ZNF83: variants seen among roughly 807,000 people sequenced by gnomAD.
ZNF83 encodes zinc finger protein 83.
For missense variants in ZNF83, 552 were observed against 629.9 expected, an observed-to-expected ratio of 0.88 and a Z score of 1.32; for synonymous variants, 209 against 213.0, an observed-to-expected ratio of 0.98 and a Z score of 0.17.
At chr19:52,639,413 C>CTTTTTTTTTCT (rs1206783591), upstream of ZNF83, among the ~76,000 whole-genome samples, 4 of 53,876 alleles carry the variant, frequency 7.4e-5, no homozygotes, top group South Asian at 1.1e-3. Flanking sequence ...TTAGTTTTTT[C>CTTTTTTTTTCT]TATTTTTTTT....
At chr19:52,643,317 G>A (rs1469140201), upstream of ZNF83, among the ~76,000 whole-genome samples, 2 of 149,976 alleles carry the variant, frequency 1.3e-5, no homozygotes, top group South Asian at 2.1e-4. Flanking sequence ...AACAGAGACT[G>A]CACTCACAGG....
chr19:52,685,659 G>T (rs2062002301), intron 1 of ZNF83, among the ~76,000 whole-genome samples: 1 of 152,098 alleles, frequency 6.6e-6, no homozygotes, highest in Admixed American at 6.6e-5. Context: ...CACATTGGGA[G>T]GTCGAGGTGG....
chr19:52,641,803 G>A (rs575493695), upstream of ZNF83, among the ~76,000 whole-genome samples: 30 of 152,222 alleles, frequency 2.0e-4, no homozygotes, highest in African/African-American at 5.8e-4. Context: ...AGCCTCAGGC[G>A]GTCCCGACCA....
chr19:52,652,082 C>A, intron 3 of ZNF83: 1 of 240,890 alleles, frequency 4.2e-6, no homozygotes, highest in South Asian at 6.1e-5. Context: ...ACACCTATTC[C>A]ATTTGTAAGA....
intron 2 of ZNF83, among the ~76,000 whole-genome samples, chr19:52,627,798 C>T (rs186326336): frequency 3.9e-4 from 59 of 152,296 alleles, no homozygotes; most frequent in Admixed American, 3.1e-3. Context: ...TGAATATTGT[C>T]AGGCCTCTGA....
chr19:52,623,903 AC>A (rs2060638670), intron 2 of ZNF83, among the ~76,000 whole-genome samples: 2 of 151,954 alleles, frequency 1.3e-5, no homozygotes, highest in Non-Finnish European at 2.9e-5. Flanking sequence ...TTGCCTATCC[AC>A]CCTGTGGTGC....
At chr19:52,679,132 G>C (rs2061866916) in intron 1 of ZNF83, among the ~76,000 whole-genome samples, 1 of 152,144 alleles carries the variant, frequency 6.6e-6, no homozygotes, top group Non-Finnish European at 1.5e-5. Context: ...GACACATATT[G>C]GTGTGAAAAA....
At chr19:52,657,069 T>C (rs2061515645) in intron 2 of ZNF83, among the ~76,000 whole-genome samples, 1 of 151,878 alleles carries the variant, frequency 6.6e-6, no homozygotes, top group African/African-American at 2.4e-5. Flanking sequence ...TGATCCAAGA[T>C]TGCACCACTG....
intron 2 of ZNF83, among the ~76,000 whole-genome samples, chr19:52,633,234 C>A (rs1468668414): frequency 6.6e-6 from 1 of 151,896 alleles, no homozygotes; most frequent in Non-Finnish European, 1.5e-5. Flanking sequence ...GAGAACAACC[C>A]CCCTTTTTCC....
intron 2 of ZNF83, chr19:52,618,597 A>G (rs1600144037): frequency 3.8e-6 from 1 of 264,360 alleles, no homozygotes; most frequent in East Asian, 1.1e-4. Flanking sequence ...ACGTTTCGCC[A>G]TGTTGGTGAG....
In ZNF83 at chr19:52,664,687, A is replaced by C. The variant is rs928752854; in HGVS notation, c.-282-3844T>G. ...CGGGCCTGAGCAAGGCCAGGAAGGG[A>C]TGCAGATTAAGTGGGTGGGGCCTGA... On this transcript the variant is annotated intron_variant, in intron 1 of 5. Coordinates refer to the ZNF83 transcript ENST00000594682. Among the ~76,000 whole-genome samples, 4 of 136,772 alleles carry C rather than the reference A, an allele frequency of 2.9e-5. No homozygotes were observed. The Admixed American group carries it at 3.2e-4, about 11-fold the overall frequency. 89.7% of individuals were successfully genotyped at this position (136,772 alleles called of 152,430 possible).
intron 1 of ZNF83, among the ~76,000 whole-genome samples, chr19:52,689,480 T>A (rs1339305951): frequency 6.6e-6 from 1 of 152,096 alleles, no homozygotes; most frequent in Non-Finnish European, 1.5e-5. Context: ...ACCACTCTGC[T>A]CTGTCTGCCC....
chr19:52,626,661 TAAC>T (rs1385545572), intron 2 of ZNF83, among the ~76,000 whole-genome samples: 1 of 152,068 alleles, frequency 6.6e-6, no homozygotes, highest in African/African-American at 2.4e-5. Flanking sequence ...ATGCTACTTT[TAAC>T]AACCCCACAG....
In ZNF83 at chr19:52,613,530, G is replaced by T. The variant is rs7259639; in HGVS notation, c.1035C>A (p.Tyr345Ter). ...AGACCTTGCCACATTCATTACATTT[G>T]TAAGGTTTCTCTCCAGTGTGGATTC... Residue 345 changes from tyrosine (Y) to a stop codon, truncating the protein, a stop_gained, in exon 3 of 3, where the codon TAC (tyrosine) becomes TAA (stop). Transcript: ENST00000301096. LOFTEE classifies it low-confidence loss of function (END_TRUNC). The T allele has an allele frequency of 2.5e-6, 4 of 1,613,862 alleles. No individual in the cohort carries two copies. The South Asian group carries it at 4.4e-5, about 18-fold the overall frequency.
At chr19:52,637,878 TAAGAC>T (rs1475513897) in intron 1 of ZNF83, among the ~76,000 whole-genome samples, 1 of 151,946 alleles carries the variant, frequency 6.6e-6, no homozygotes, top group Non-Finnish European at 1.5e-5. Flanking sequence ...GACGGCGCCT[TAAGAC>T]AAGGTTGGGG....
chr19:52,648,416 T>C (rs573797982), intron 3 of ZNF83, among the ~76,000 whole-genome samples: 8 of 152,204 alleles, frequency 5.3e-5, no homozygotes, highest in African/African-American at 1.9e-4. Flanking sequence ...AGTAATGGGC[T>C]CTAGACACTT....
Position 52,613,695 on chromosome 19 carries a change from T to TCA in ZNF83, c.869_870insTG (p.Lys290AsnfsTer16), listed in dbSNP as rs556550175. ...TGAAGACCTTGCCACACTCATTACA[T>TCA]TTGTAAGGTTTCTCTCCAGTGTGGA... On this transcript the variant is annotated frameshift_variant, in exon 3 of 3. Coordinates refer to ENST00000301096, the Ensembl canonical transcript of ZNF83. LOFTEE classifies it low-confidence loss of function (END_TRUNC). The TCA allele has an allele frequency of 4.4e-6, 6 of 1,364,680 alleles. No homozygotes were observed. In the Admixed American group the frequency reaches 1.9e-4, roughly 43 times the overall value. The allele number at this position is 1,364,680 out of a possible 1,614,324, so 84.5% of individuals were successfully genotyped here. A position where few individuals can be genotyped will look rare whatever the true frequency, so the allele number is the denominator to read the frequency against.
chr19:52,655,616 C>T, exon 3 of ZNF83: 5 of 1,499,774 alleles, frequency 3.3e-6, no homozygotes, highest in Middle Eastern at 1.7e-4. Context: ...ATAAAGCCCT[C>T]TGTGCAGGGT....
chr19:52,627,662 TA>T (rs2060794558), intron 2 of ZNF83, among the ~76,000 whole-genome samples: 2 of 152,196 alleles, frequency 1.3e-5, no homozygotes, highest in South Asian at 2.1e-4. Context: ...ACTAAATAAA[TA>T]AATAAATATT....
Sources: gnomAD v4.1 joint callset for allele counts (sites outside exome capture counted in the v4.1 genomes callset) on GRCh38, gnomAD v4.1.1 for gene constraint, MANE v1.5 for transcripts, NCBI Gene and HGNC (gene_info 2026-07-23, HGNC 2026-07-21) for gene names.